Variants in SH2B1 observed in about 807,000 individuals in gnomAD.
SH2B1 encodes the protein SH2B adapter protein 1.
Under a neutral mutation model 62.6 loss-of-function variants are expected in SH2B1, and 15 were observed. That is an observed-to-expected ratio of 0.24 (90% confidence interval 0.16 to 0.37). The LOEUF is 0.37. Among genes scored for constraint, SH2B1 ranks in the 10% least tolerant of loss-of-function variants. The pLI is 1.00. For missense variants in SH2B1, 925 were observed against 1,015.6 expected (o/e 0.91, Z 1.21); for synonymous variants, 443 against 438.0 (o/e 1.01, Z -0.14).
Position 28,853,725 on chromosome 16 carries a change from T to C in SH2B1, c.-301+6898T>C, listed in dbSNP as rs563717960. Reference sequence around the variant, plus strand: ...CTTTAAAATGTGCCTCGAAGCTGGGTGCGGTGGCTCATGCCTGTAATCCCA... The same window carrying C: ...CTTTAAAATGTGCCTCGAAGCTGGGCGCGGTGGCTCATGCCTGTAATCCCA... On this transcript the variant is annotated intron_variant, in intron 1 of 10. Coordinates refer to the SH2B1 transcript ENST00000322610. Among the ~76,000 whole-genome samples the C allele has an allele frequency of 6.6e-5, 10 of 150,674 alleles. No homozygotes were observed. The East Asian group carries it at 1.8e-3, about 27-fold the overall frequency.
chr16:28,848,501 T>G (rs997428270), intron 1 of SH2B1, among the ~76,000 whole-genome samples: 5 of 152,004 alleles, frequency 3.3e-5, no homozygotes, highest in African/African-American at 9.7e-5. Context: ...GAACTAGAGC[T>G]TTATGATGTT....
rs1488839049 is a variant in SH2B1, at chr16:28,864,698, G to A, written c.-1397G>A. ...TCCAGTATTGCGTGGCGGGAGGAGCGCTAACAAGAGCCAAGGGTTGTAAAT... is the reference window on the plus strand; with the variant it reads ...TCCAGTATTGCGTGGCGGGAGGAGCACTAACAAGAGCCAAGGGTTGTAAAT... On this transcript the variant is annotated 5_prime_UTR_variant, in exon 1 of 8. Transcript: ENST00000684370. 4.1e-6 allele frequency: 4 copies of A among 980,506 alleles called. No individual in the cohort carries two copies. The highest frequency in any genetic ancestry group is 5.2e-4 in the Middle Eastern group (1 of 1,932). 60.7% of individuals were successfully genotyped at this position (980,506 alleles called of 1,614,324 possible).
rs1962632575 is a variant in SH2B1 at position 28,865,455 on chromosome 16, T to C, written c.-640T>C. 1 of 985,428 alleles carries C rather than the reference T, an allele frequency of 1.0e-6. No individual in the cohort carries two copies. The highest frequency in any genetic ancestry group is 4.7e-5 in the South Asian group (1 of 21,292). The allele number at this position is 985,428 out of a possible 1,614,324, so 61.0% of individuals were successfully genotyped here. ...AAGGTCTAGAATCCCAGCTCCTCTC[T>C]AGCCCCCTGCGAGCTGGGGCGGTGA... is the stretch of plus-strand genomic sequence containing the variant. On this transcript the variant is annotated 5_prime_UTR_variant, in exon 1 of 8. The change abolishes the stop of an existing upstream ORF in the 5' untranslated region. Coordinates refer to ENST00000684370, the MANE Select transcript of SH2B1 (RefSeq NM_001387430.1).
Position 28,864,027 on chromosome 16 carries a change from G to C in SH2B1, c.-2068G>C, listed in dbSNP as rs1394693151. The C allele has an allele frequency of 7.2e-7, 1 of 1,398,198 alleles. No homozygotes were observed. Among genetic ancestry groups the C allele is most frequent in the Non-Finnish European group, 9.3e-7 (1 of 1,077,032 alleles). 86.6% of individuals were successfully genotyped at this position (1,398,198 alleles called of 1,614,324 possible). Reference sequence around the variant, plus strand: ...GCCCTGGCGCCCGAGAGGATTCCTGGGTGGGGGTGGGCGTGGAGGGCCGGG... The same window carrying C: ...GCCCTGGCGCCCGAGAGGATTCCTGCGTGGGGGTGGGCGTGGAGGGCCGGG... On this transcript the variant is annotated 5_prime_UTR_variant, in exon 1 of 8. Coordinates refer to ENST00000684370, the MANE Select transcript of SH2B1 (RefSeq NM_001387430.1).
intron 1 of SH2B1, among the ~76,000 whole-genome samples, chr16:28,853,522 CTTTTTTT>C (rs543507752): frequency 7.9e-6 from 1 of 127,134 alleles, no homozygotes; most frequent in Non-Finnish European, 1.6e-5. Context: ...CCCACTTTTT[CTTTTTTT>C]TTTTTTTGTA....
At chr16:28,856,226 T>A (rs1413366673) in intron 1 of SH2B1, among the ~76,000 whole-genome samples, 1 of 139,336 alleles carries the variant, frequency 7.2e-6, no homozygotes, top group East Asian at 2.1e-4. Context: ...TGAGCCCAGA[T>A]CACGCCACTG....
At chr16:28,861,046 G>C (rs1451287746), upstream of SH2B1, among the ~76,000 whole-genome samples, 1 of 152,056 alleles carries the variant, frequency 6.6e-6, no homozygotes, top group Non-Finnish European at 1.5e-5. Flanking sequence ...TCAAACTCCT[G>C]ACCTCAAGTG....
chr16:28,861,599 AT>A (rs1309593260), upstream of SH2B1: 1 of 150,292 alleles, frequency 6.7e-6, no homozygotes, highest in Non-Finnish European at 1.5e-5. Flanking sequence ...CGCCTGGCTA[AT>A]TTTTTTTGTA....
chr16:28,868,190 AGT>A, intron 2 of SH2B1, among the ~76,000 whole-genome samples: 1 of 151,026 alleles, frequency 6.6e-6, no homozygotes, highest in East Asian at 2.0e-4. Context: ...CCCAGGCTGG[AGT>A]GCAGTGGCGC....
At chr16:28,869,478 C>T (rs1962915163) in intron 4 of SH2B1, 95 bp downstream of exon 4, 2 of 1,160,756 alleles carry the variant, frequency 1.7e-6, no homozygotes, top group Non-Finnish European at 2.4e-6. Flanking sequence ...GCCACTGTGC[C>T]CCCATCCCTG....
chr16:28,869,201 TCTGCAGACCCTGCC>T lies in SH2B1; in HGVS notation c.1134-2_1145del. Reference sequence around the variant, plus strand: ...TCCTCCCAGCACCATCTTCCCTGTCTCTGCAGACCCTGCCCTGCTACCAGTCCCCGCCCCATGAC... The same window carrying T: ...TCCTCCCAGCACCATCTTCCCTGTCTCTGCTACCAGTCCCCGCCCCATGAC... On this transcript the variant is annotated splice_acceptor_variant and splice_polypyrimidine_tract_variant and coding_sequence_variant and intron_variant, in exon 4 of 8. Transcript: ENST00000684370. LOFTEE classifies it high-confidence loss of function. 6.2e-7 allele frequency: 1 copy of T among 1,613,974 alleles called. No individual in the cohort carries two copies. The highest frequency in any genetic ancestry group is 8.5e-7 in the Non-Finnish European group (1 of 1,179,890).
Position 28,873,053 on chromosome 16 carries a change from C to T in SH2B1, c.1897+348C>T, listed in dbSNP as rs750062910. On this transcript the variant is annotated intron_variant, in intron 7 of 7. Coordinates refer to ENST00000684370, the MANE Select transcript of SH2B1 (RefSeq NM_001387430.1). This position sits in a 1 kb window ranked among gnomAD's most constrained non-coding sequence, Gnocchi z 4.2. ...AGCCTGGCCTTGGGCCTGCCCTTCC[C>T]GGGGACACTCGGTCTGATCCCCTTC... is the stretch of plus-strand genomic sequence containing the variant. 3.7e-5 allele frequency: 28 copies of T among 758,000 alleles called. No individual in the cohort carries two copies. The highest frequency in any genetic ancestry group is 5.2e-5 in the Non-Finnish European group (25 of 476,916). 47.0% of individuals were successfully genotyped at this position (758,000 alleles called of 1,614,324 possible).
In SH2B1 at chr16:28,871,084, C is replaced by G. The variant is rs908564785; in HGVS notation, c.1310-696C>G. Among the ~76,000 whole-genome samples, 4 of 151,944 alleles carry G rather than the reference C, an allele frequency of 2.6e-5. No individual in the cohort carries two copies. In the East Asian group the frequency reaches 7.7e-4, roughly 29 times the overall value. The stretch of plus-strand genomic sequence containing the variant: ...CCAGGCTGCAGTGCAGTGAAACAAT[C>G]TCGGCTCACTGCAACCTCTGCCTCC... On this transcript the variant is annotated intron_variant, in intron 4 of 7. Coordinates refer to ENST00000684370, the MANE Select transcript of SH2B1 (RefSeq NM_001387430.1).
rs1262548844 is a variant in SH2B1 at position 28,852,695 on chromosome 16, T to C, written c.-301+5868T>C. ...ATATATATATTTACATATATATTTA[T>C]ATATATACATATATATTTACATATA... is the stretch of plus-strand genomic sequence containing the variant. On this transcript the variant is annotated intron_variant, in intron 1 of 10. Transcript: ENST00000322610. Among the ~76,000 whole-genome samples, 61 of 67,844 alleles carry C rather than the reference T, an allele frequency of 9.0e-4. 10 individuals carry two copies. Among genetic ancestry groups the C allele is most frequent in the Admixed American group, 1.9e-3 (7 of 3,664 alleles). The allele number at this position is 67,844 out of a possible 152,430, so 44.5% of individuals were successfully genotyped here.
chr16:28,851,944 G>A (rs1160603014), intron 1 of SH2B1, among the ~76,000 whole-genome samples: 1 of 149,662 alleles, frequency 6.7e-6, no homozygotes, highest in African/African-American at 2.4e-5. Flanking sequence ...GTGCGCACCT[G>A]TGGTCCCAGC....
chr16:28,846,996 G>C (rs938869444), intron 1 of SH2B1, among the ~76,000 whole-genome samples: 1 of 152,196 alleles, frequency 6.6e-6, no homozygotes, highest in Non-Finnish European at 1.5e-5. Context: ...AGTCAGTGTT[G>C]GGCCCTGTGA....
Position 28,864,911 on chromosome 16 carries a change from C to T in SH2B1, c.-1184C>T, listed in dbSNP as rs1962601816. On this transcript the variant is annotated 5_prime_UTR_variant, in exon 1 of 8. Coordinates refer to ENST00000684370, the MANE Select transcript of SH2B1 (RefSeq NM_001387430.1). Reference sequence around the variant, plus strand: ...CATACCCCATTCCATGTAATTCTCTCAACATTTCGAGGGGAGGGATCATTA... The same window carrying T: ...CATACCCCATTCCATGTAATTCTCTTAACATTTCGAGGGGAGGGATCATTA... 1 of 253,638 alleles carries T rather than the reference C, an allele frequency of 3.9e-6. No individual in the cohort carries two copies. Among genetic ancestry groups the T allele is most frequent in the Non-Finnish European group, 6.2e-6 (1 of 160,918 alleles). The allele number at this position is 253,638 out of a possible 1,614,324, so 15.7% of individuals were successfully genotyped here.
At chr16:28,848,031 G>A (rs1962021905) in intron 1 of SH2B1, among the ~76,000 whole-genome samples, 1 of 151,698 alleles carries the variant, frequency 6.6e-6, no homozygotes, top group Admixed American at 6.6e-5. Flanking sequence ...TCACCTCGTT[G>A]GCCAGACGGC....
At position 28,865,424 on chromosome 16, in the gene SH2B1, C is replaced by T; in HGVS notation, c.-671C>T. On this transcript the variant is annotated 5_prime_UTR_variant, in exon 1 of 8. Coordinates refer to ENST00000684370, the MANE Select transcript of SH2B1 (RefSeq NM_001387430.1). The stretch of plus-strand genomic sequence containing the variant: ...TGGACCCTAAGATGCGTGAGGCAGG[C>T]TCTCTAAGGTCTAGAATCCCAGCTC... 2.0e-6 allele frequency: 2 copies of T among 985,616 alleles called. No homozygotes were observed. The highest frequency in any genetic ancestry group is 4.7e-5 in the South Asian group (1 of 21,284). 61.1% of individuals were successfully genotyped at this position (985,616 alleles called of 1,614,324 possible).
Sources: gnomAD v4.1 joint callset for allele counts (sites outside exome capture counted in the v4.1 genomes callset) on GRCh38, gnomAD v4.1.1 for gene constraint, Gnocchi (gnomAD v3.1) non-coding constraint, MANE v1.5 for transcripts, NCBI Gene and HGNC (gene_info 2026-07-23, HGNC 2026-07-21) for gene names.